Variants in ZPBP observed in about 807,000 individuals in gnomAD.
The protein encoded by ZPBP is zona pellucida-binding protein 1.
A neutral mutation model predicts 44.8 loss-of-function variants in ZPBP; 26 were observed. The ratio of observed to expected loss-of-function variants is 0.58; its 90% CI spans 0.43 to 0.81. The LOEUF is 0.81. Among genes scored for constraint, ZPBP ranks in the 30% least tolerant of loss-of-function variants. The pLI is 0.00. For synonymous variants in ZPBP, 174 were observed against 153.2 expected, an observed-to-expected ratio of 1.14 and a Z score of -1.00; for missense variants, 409 against 434.0, an observed-to-expected ratio of 0.94 and a Z score of 0.51.
Position 50,081,848 on chromosome 7 carries a change from G to A in ZPBP, c.260C>T (p.Thr87Met), listed in dbSNP as rs369684234. Residue 87 changes from threonine to methionine, a missense_variant, in exon 3 of 8, where the codon ACG (threonine) becomes ATG (methionine). Transcript: ENST00000046087. ...HQKSPHVLCV[T>M]QQLRNAELID... ...CAGTTCAGCATTTCGCAGTTGTTGC[G>A]TTACACATAACACGTGTGGACTCTT... 8.1e-5 allele frequency: 131 copies of A among 1,611,270 alleles called. No individual in the cohort carries two copies. Among genetic ancestry groups the A allele is most frequent in the East Asian group, 3.8e-4 (17 of 44,766 alleles).
chr7:50,064,070 C>T (rs1562599991), intron 3 of ZPBP, among the ~76,000 whole-genome samples: 1 of 152,186 alleles, frequency 6.6e-6, no homozygotes, highest in East Asian at 1.9e-4. Flanking sequence ...TTCTATTTTT[C>T]CTAAGTGTCA....
chr7:49,990,640 A>C (rs1224711197), intron 6 of ZPBP, among the ~76,000 whole-genome samples: 1 of 152,132 alleles, frequency 6.6e-6, no homozygotes, highest in Non-Finnish European at 1.5e-5. Context: ...TATGTTTTAC[A>C]ATAATTGGTT....
downstream of ZPBP, chr7:49,935,834 T>A (rs1794604666): frequency 6.6e-6 from 1 of 152,244 alleles, no homozygotes; most frequent in Admixed American, 6.5e-5. Context: ...ATCCCACTCC[T>A]GTTGTTCATC....
chr7:49,849,395 C>T (rs1790085771), downstream of ZPBP, among the ~76,000 whole-genome samples: 2 of 152,168 alleles, frequency 1.3e-5, no homozygotes, highest in Admixed American at 1.3e-4. Context: ...TGTGTCCTGC[C>T]ACTGCTCCTG....
At chr7:50,024,102 C>T (rs1243916896) in intron 5 of ZPBP, among the ~76,000 whole-genome samples, 1 of 151,954 alleles carries the variant, frequency 6.6e-6, no homozygotes, top group East Asian at 1.9e-4. Flanking sequence ...ATGAAAACCA[C>T]AATGGGATAT....
At chr7:49,965,970 A>G (rs1210139149) in intron 7 of ZPBP, among the ~76,000 whole-genome samples, 1 of 152,154 alleles carries the variant, frequency 6.6e-6, no homozygotes, top group Non-Finnish European at 1.5e-5. Flanking sequence ...AGCTGCAGTG[A>G]CAATATTAAG....
At position 49,976,583 on chromosome 7, in the gene ZPBP, T is replaced by C. The variant is rs564333887; in HGVS notation, c.961+6759A>G. On this transcript the variant is annotated intron_variant, in intron 7 of 7. Coordinates refer to ENST00000046087, the MANE Select transcript of ZPBP (RefSeq NM_007009.3). Reference sequence around the variant, plus strand: ...TCCTTATGCCCTGACATTTTACCAATGTCTTTAATAGAATGAGTAATTTTA... The same window carrying C: ...TCCTTATGCCCTGACATTTTACCAACGTCTTTAATAGAATGAGTAATTTTA... Among the ~76,000 whole-genome samples, 20 of 152,324 alleles carry C rather than the reference T, an allele frequency of 1.3e-4. No individual in the cohort carries two copies. In the South Asian group the frequency reaches 2.9e-3, roughly 22 times the overall value.
intron 1 of ZPBP, among the ~76,000 whole-genome samples, chr7:49,924,290 C>T (rs1794145168): frequency 6.6e-6 from 1 of 151,874 alleles, no homozygotes; most frequent in Admixed American, 6.6e-5. Flanking sequence ...TCATAAAATA[C>T]ATAAATACCT....
chr7:49,937,405 G>T, downstream of ZPBP: 1 of 760,412 alleles, frequency 1.3e-6, no homozygotes, highest in Non-Finnish European at 2.2e-6. Context: ...TACAGTATTT[G>T]ATTAAAATGA....
intron 1 of ZPBP, among the ~76,000 whole-genome samples, chr7:49,927,660 G>A (rs906011456): frequency 5.3e-5 from 8 of 152,130 alleles, no homozygotes; most frequent in African/African-American, 1.9e-4. Flanking sequence ...AATTACACTA[G>A]CTCAACTAAG....
At chr7:50,021,342 A>T (rs191298672) in intron 5 of ZPBP, among the ~76,000 whole-genome samples, 10 of 152,192 alleles carry the variant, frequency 6.6e-5, no homozygotes, top group Admixed American at 6.6e-4. Flanking sequence ...TACAGGACAA[A>T]ATCTAATAAA....
chr7:50,072,448 C>A (rs778115767), intron 3 of ZPBP, among the ~76,000 whole-genome samples: 2 of 152,342 alleles, frequency 1.3e-5, no homozygotes, highest in South Asian at 4.1e-4. Flanking sequence ...AAGGGAAGGA[C>A]AAAGGCCTGG....
chr7:49,857,257 G>A (rs1467114939), intron 2 of ZPBP, among the ~76,000 whole-genome samples: 1 of 152,036 alleles, frequency 6.6e-6, no homozygotes, highest in Non-Finnish European at 1.5e-5. Flanking sequence ...CTCCTCTAGC[G>A]ACTTTATATA....
intron 2 of ZPBP, among the ~76,000 whole-genome samples, chr7:49,863,553 T>C (rs545646350): frequency 5.5e-4 from 83 of 152,260 alleles, no homozygotes; most frequent in African/African-American, 1.9e-3. Flanking sequence ...TGCCTCAGCC[T>C]CCCAAGTAGC....
chr7:49,950,398 A>G (rs1225000408), intron 7 of ZPBP, among the ~76,000 whole-genome samples: 5 of 151,898 alleles, frequency 3.3e-5, no homozygotes, highest in Non-Finnish European at 7.4e-5. Flanking sequence ...CAAAGCAATC[A>G]CAAAATCTCA....
chr7:50,082,315 A>G (rs1802408464), intron 2 of ZPBP, among the ~76,000 whole-genome samples: 1 of 151,948 alleles, frequency 6.6e-6, no homozygotes, highest in Non-Finnish European at 1.5e-5. Context: ...AGAATAATGC[A>G]TTATTCACAA....
intron 4 of ZPBP, among the ~76,000 whole-genome samples, chr7:50,032,736 T>C (rs569817878): frequency 6.6e-6 from 1 of 152,340 alleles, no homozygotes; most frequent in Non-Finnish European, 1.5e-5. Flanking sequence ...TTGTTGTAGT[T>C]GGTAGGCAAA....
intron 1 of ZPBP, among the ~76,000 whole-genome samples, chr7:50,091,283 C>CT (rs1195973654): frequency 6.6e-6 from 1 of 152,114 alleles, no homozygotes; most frequent in African/African-American, 2.4e-5. Flanking sequence ...TGTGGGTTGT[C>CT]TGTTTACTCT....
chr7:50,026,037 T>C (rs923892438), intron 5 of ZPBP, among the ~76,000 whole-genome samples: 2 of 151,880 alleles, frequency 1.3e-5, no homozygotes, highest in African/African-American at 4.8e-5. Context: ...TGAAAAAAGA[T>C]ATTTTGTGCA....
Sources: allele counts gnomAD v4.1 joint callset (sites outside exome capture counted in the v4.1 genomes callset), GRCh38; gene constraint gnomAD v4.1.1; transcripts MANE v1.5; gene names NCBI Gene and HGNC (gene_info 2026-07-23, HGNC 2026-07-21).